Variants in TRPM3 observed in about 807,000 individuals in gnomAD.
The protein encoded by TRPM3 is long transient receptor potential channel 3.
TRPM3 carries 77 observed loss-of-function variants against 181.2 expected under a neutral mutation model. The ratio of observed to expected loss-of-function variants is 0.42; its 90% CI spans 0.35 to 0.51. The LOEUF (loss-of-function observed/expected upper bound fraction) is 0.51, where lower values mean the gene tolerates loss of function less well. TRPM3 is among the 20% of genes least tolerant of loss of function. TRPM3 has a pLI of 0.01. For missense variants in TRPM3, 1,759 were observed against 2,196.7 expected (o/e 0.80, Z 3.98); for synonymous variants, 745 against 796.4 (o/e 0.94, Z 1.09).
chr9:70,652,686 C>T (rs1474164683), intron 9 of TRPM3, among the ~76,000 whole-genome samples: 1 of 152,158 alleles, frequency 6.6e-6, no homozygotes, highest in Non-Finnish European at 1.5e-5. Context: ...CAGAGTAACT[C>T]ACAGTATCAG....
chr9:71,140,254 C>G (rs914795660), intron 1 of TRPM3, among the ~76,000 whole-genome samples: 1 of 152,096 alleles, frequency 6.6e-6, no homozygotes, highest in African/African-American at 2.4e-5. Flanking sequence ...ATATAGGAAG[C>G]AAATTCTGAA....
chr9:70,835,374 C>A (rs2094244973), intron 5 of TRPM3, among the ~76,000 whole-genome samples: 1 of 151,746 alleles, frequency 6.6e-6, no homozygotes, highest in Admixed American at 6.6e-5. Flanking sequence ...TTATTATCTT[C>A]TTGCTTCTTT....
chr9:70,614,232 C>T (rs974838076), intron 18 of TRPM3, among the ~76,000 whole-genome samples: 4 of 150,450 alleles, frequency 2.7e-5, no homozygotes, highest in African/African-American at 9.8e-5. Context: ...TGGTGGCTCA[C>T]ACCTGTAATC....
chr9:70,578,076 G>A (rs1034143983), intron 22 of TRPM3, among the ~76,000 whole-genome samples: 3 of 152,226 alleles, frequency 2.0e-5, no homozygotes, highest in Non-Finnish European at 4.4e-5. Context: ...TCAGGAGAGA[G>A]TCACTGGCCC....
At chr9:70,752,410 G>T (rs2076354354) in intron 8 of TRPM3, among the ~76,000 whole-genome samples, 1 of 152,120 alleles carries the variant, frequency 6.6e-6, no homozygotes, top group Non-Finnish European at 1.5e-5. Flanking sequence ...GTTATGGATG[G>T]GTTACAGGTT....
rs115329875 is a variant in TRPM3 at position 70,892,433 on chromosome 9, A to G, written c.178-27922T>C. Among the ~76,000 whole-genome samples the G allele has an allele frequency of 4.9e-3, 746 of 152,250 alleles. 8 individuals are homozygous for G. Among genetic ancestry groups the G allele is most frequent in the African/African-American group, 0.017 (716 of 41,568 alleles). ...CAGATCCTGAATTTTGAGATTACAA[A>G]CAATATCAAAATTATTTTCACAGCT... On this transcript the variant is annotated intron_variant, in intron 1 of 25. Coordinates refer to ENST00000677713, the MANE Select transcript of TRPM3 (RefSeq NM_001366145.2).
intron 21 of TRPM3, among the ~76,000 whole-genome samples, chr9:70,592,284 C>T (rs1310814283): frequency 6.6e-6 from 1 of 152,072 alleles, no homozygotes; most frequent in African/African-American, 2.4e-5. Flanking sequence ...GGGATTTGAC[C>T]AAGACAGGCC....
At chr9:70,738,429 A>C (rs2073268050) in intron 8 of TRPM3, among the ~76,000 whole-genome samples, 1 of 152,078 alleles carries the variant, frequency 6.6e-6, no homozygotes, top group African/African-American at 2.4e-5. Flanking sequence ...GAAATGTAAA[A>C]ATTCTTTAAA....
At chr9:70,860,720 T>C (rs137864147) in intron 3 of TRPM3, among the ~76,000 whole-genome samples, 20 of 152,318 alleles carry the variant, frequency 1.3e-4, no homozygotes, top group Middle Eastern at 3.4e-3. Flanking sequence ...CAAATGAGTG[T>C]CTTTCGAAGT....
rs1299054811 is a variant in TRPM3 at position 71,032,062 on chromosome 9, ATATAT to A, written c.177+89111_177+89115del. The stretch of plus-strand genomic sequence containing the variant: ...TATATATATATATTATATATATTAT[ATATAT>A]TATATTATATTATATATATATAATT... On this transcript the variant is annotated intron_variant, in intron 1 of 25. Transcript: ENST00000677713. 4.3e-3 allele frequency among the ~76,000 whole-genome samples: 31 copies of A among 7,274 alleles called. 4 individuals carry two copies. The highest frequency in any genetic ancestry group is 5.1e-3 in the Non-Finnish European group (27 of 5,340). 4.8% of individuals were successfully genotyped at this position (7,274 alleles called of 152,430 possible).
intron 1 of TRPM3, among the ~76,000 whole-genome samples, chr9:70,960,796 TCTC>T (rs1178235397): frequency 1.3e-5 from 2 of 152,108 alleles, no homozygotes; most frequent in Non-Finnish European, 2.9e-5. Context: ...TCCACATCAG[TCTC>T]CTCATCTCCG....
intron 1 of TRPM3, among the ~76,000 whole-genome samples, chr9:71,013,905 G>C (rs944840715): frequency 1.3e-5 from 2 of 151,644 alleles, no homozygotes; most frequent in Non-Finnish European, 2.9e-5. Flanking sequence ...TAATTCTACT[G>C]TTCTATTTTC....
At chr9:71,045,924 T>G (rs1251232447) in intron 1 of TRPM3, among the ~76,000 whole-genome samples, 3 of 151,942 alleles carry the variant, frequency 2.0e-5, no homozygotes. Flanking sequence ...TAACACCTCC[T>G]AGACCTTTCC....
intron 1 of TRPM3, among the ~76,000 whole-genome samples, chr9:71,096,590 A>ACACACCCTCTCTCTCTCTCTCT (rs1452142664): frequency 1.1e-5 from 1 of 89,998 alleles, no homozygotes; most frequent in Admixed American, 1.4e-4. Flanking sequence ...ACACACACAC[A>ACACACCCTCTCTCTCTCTCTCT]CTCTCTCTCT....
At chr9:71,117,970 C>T (rs1016826966) in intron 1 of TRPM3, among the ~76,000 whole-genome samples, 5 of 152,088 alleles carry the variant, frequency 3.3e-5, no homozygotes, top group Non-Finnish European at 5.9e-5. Context: ...ATAAAATCTT[C>T]CAAATAAAAC....
At chr9:71,026,493 C>A (rs1284123467) in intron 1 of TRPM3, among the ~76,000 whole-genome samples, 1 of 152,188 alleles carries the variant, frequency 6.6e-6, no homozygotes, top group Non-Finnish European at 1.5e-5. Flanking sequence ...TGGCCACCAC[C>A]CACATTGTTT....
In TRPM3 at chr9:71,040,764, C is replaced by A. The variant is rs77681365; in HGVS notation, c.177+80414G>T. The stretch of plus-strand genomic sequence containing the variant: ...TGAGAAACAGACATCAGGTGTCTTC[C>A]GATACAAGCCACTGGGACACACACC... On this transcript the variant is annotated intron_variant, in intron 1 of 25. Transcript: ENST00000677713. Among the ~76,000 whole-genome samples, 753 of 152,100 alleles carry A rather than the reference C, an allele frequency of 5.0e-3. 18 individuals carry two copies. The East Asian group carries it at 0.078, about 16-fold the overall frequency.
chr9:70,913,761 A>G (rs578151272), intron 1 of TRPM3, among the ~76,000 whole-genome samples: 1 of 152,262 alleles, frequency 6.6e-6, no homozygotes, highest in East Asian at 1.9e-4. Flanking sequence ...ACTCTGAGCA[A>G]CTCAATGTCT....
At chr9:71,218,481 A>G (rs967125165) in intron 1 of TRPM3, among the ~76,000 whole-genome samples, 3 of 152,234 alleles carry the variant, frequency 2.0e-5, no homozygotes, top group African/African-American at 7.2e-5. Context: ...ATTTGAACCT[A>G]GACAATCTAG....
Sources: gnomAD v4.1 joint callset for allele counts (sites outside exome capture counted in the v4.1 genomes callset) on GRCh38, gnomAD v4.1.1 for gene constraint, MANE v1.5 for transcripts, NCBI Gene and HGNC (gene_info 2026-07-23, HGNC 2026-07-21) for gene names.